The following TAS2R1 variants were observed in gnomAD, a reference collection of about 807,000 sequenced individuals.
TAS2R1 encodes the protein taste 2 receptor member 1, also known as taste receptor type 2 member 1.
For synonymous variants in TAS2R1, 141 were observed against 134.2 expected, an observed-to-expected ratio of 1.05 and a Z score of -0.35; for missense variants, 370 against 353.4, an observed-to-expected ratio of 1.05 and a Z score of -0.38.
Position 9,629,532 on chromosome 5 carries a change from T to A in TAS2R1, c.501A>T (p.Gln167His). 1 of 1,614,064 alleles carries A rather than the reference T, an allele frequency of 6.2e-7. No individual in the cohort carries two copies. Among genetic ancestry groups the A allele is most frequent in the Non-Finnish European group, 8.5e-7 (1 of 1,179,998 alleles). ...TCTGTATAGCCAGTGTATCTTCTTT[T>A]TGAATTGTGGCATTTTGGGAGAAAA... is the stretch of plus-strand genomic sequence containing the variant. ...RKFFSQNATI[Q>H]KEDTLAIQIF... The change falls in exon 1 of 1, where the codon CAA becomes CAT. Residue 167 changes from glutamine to histidine, a missense_variant. Physicochemically the swap from Gln to His is conservative, Grantham distance 24 (BLOSUM62 0). Transcript: ENST00000382492.
At chr5:9,714,516 TG>T (rs1734767391), upstream of TAS2R1, among the ~76,000 whole-genome samples, 1 of 152,232 alleles carries the variant, frequency 6.6e-6, no homozygotes, top group Non-Finnish European at 1.5e-5. Context: ...CAAGATGTTT[TG>T]CCTCTCTGAC....
At chr5:9,802,642 C>T in the TAS2R1 span, among the ~76,000 whole-genome samples, 1 of 152,186 alleles carries the variant, frequency 6.6e-6, no homozygotes, top group African/African-American at 2.4e-5. Flanking sequence ...GTGGCTTACA[C>T]CTGTAATCCC....
chr5:9,780,153 T>C, the TAS2R1 span, among the ~76,000 whole-genome samples: 35 of 152,290 alleles, frequency 2.3e-4, no homozygotes, highest in Non-Finnish European at 4.7e-4. Flanking sequence ...TCTCATCTCA[T>C]GGAAAAGAAC....
At chr5:9,880,206 T>C in the TAS2R1 span, among the ~76,000 whole-genome samples, 1 of 152,354 alleles carries the variant, frequency 6.6e-6, no homozygotes, top group East Asian at 1.9e-4. Flanking sequence ...TCCTAGGTTA[T>C]AGATTAGTCT....
At chr5:9,839,718 T>C in the TAS2R1 span, among the ~76,000 whole-genome samples, 3 of 152,100 alleles carry the variant, frequency 2.0e-5, no homozygotes, top group African/African-American at 7.2e-5. Context: ...AACAGACGGG[T>C]AGTTTTTGCA....
chr5:9,690,709 C>T (rs1463848066), intron 1 of TAS2R1, among the ~76,000 whole-genome samples: 1 of 151,824 alleles, frequency 6.6e-6, no homozygotes, highest in Non-Finnish European at 1.5e-5. Context: ...TGGACACAGA[C>T]ATAAACAAGC....
the TAS2R1 span, among the ~76,000 whole-genome samples, chr5:9,775,332 G>T: frequency 6.6e-6 from 1 of 152,204 alleles, no homozygotes; most frequent in Non-Finnish European, 1.5e-5. Context: ...AGGACAGTGG[G>T]CTCCTTGCTG....
At chr5:9,873,698 C>A in the TAS2R1 span, among the ~76,000 whole-genome samples, 1 of 151,834 alleles carries the variant, frequency 6.6e-6, no homozygotes, top group African/African-American at 2.4e-5. Context: ...GAAACCCCGT[C>A]TCTACTAAAA....
At chr5:9,895,414 C>G in the TAS2R1 span, among the ~76,000 whole-genome samples, 2 of 152,170 alleles carry the variant, frequency 1.3e-5, no homozygotes, top group East Asian at 1.9e-4. Flanking sequence ...AAAGTCAATA[C>G]CACCCCCTGT....
At chr5:9,783,143 AC>A in the TAS2R1 span, among the ~76,000 whole-genome samples, 1 of 152,148 alleles carries the variant, frequency 6.6e-6, no homozygotes. Flanking sequence ...TACTTCATTA[AC>A]TTTTAAATCC....
the TAS2R1 span, among the ~76,000 whole-genome samples, chr5:9,771,066 G>A: frequency 2.6e-5 from 4 of 152,112 alleles, no homozygotes; most frequent in Non-Finnish European, 4.4e-5. Flanking sequence ...GTTGAGTTAT[G>A]TTCTTCTACA....
the TAS2R1 span, among the ~76,000 whole-genome samples, chr5:9,837,061 C>A: frequency 0.015 from 2,287 of 152,238 alleles, 39 homozygotes; most frequent in African/African-American, 0.049. Flanking sequence ...TCAATGGTGA[C>A]CTGTTTTTAA....
chr5:9,796,665 T>C, the TAS2R1 span, among the ~76,000 whole-genome samples: 8 of 142,794 alleles, frequency 5.6e-5, no homozygotes, highest in East Asian at 4.2e-4. Context: ...CCTTTAAAGA[T>C]GTGTCATTTG....
intron 1 of TAS2R1, among the ~76,000 whole-genome samples, chr5:9,662,777 T>C (rs998968518): frequency 2.0e-5 from 3 of 152,210 alleles, no homozygotes; most frequent in Non-Finnish European, 4.4e-5. Flanking sequence ...AGAAGATTGA[T>C]AGTGTTTTTG....
chr5:9,659,205 G>C (rs543974141), intron 2 of TAS2R1, among the ~76,000 whole-genome samples: 1 of 152,042 alleles, frequency 6.6e-6, no homozygotes, highest in Admixed American at 6.5e-5. Flanking sequence ...CCCTACACCC[G>C]TGTGACCCAG....
rs1194214516 is a variant in TAS2R1, at chr5:9,670,546, A to G, written c.-241-10965T>C. Among the ~76,000 whole-genome samples, 3 of 152,174 alleles carry G rather than the reference A, an allele frequency of 2.0e-5. No individual in the cohort carries two copies. In the East Asian group the frequency reaches 5.8e-4, roughly 29 times the overall value. ...CTCTCTGAGCCTACTCTGGCTCAGG[A>G]GGCTGCCCACTTCATGAATCATTCT... On this transcript the variant is annotated intron_variant, in intron 1 of 2. Transcript: ENST00000506620.
chr5:9,674,561 G>A (rs1740832454), intron 1 of TAS2R1, among the ~76,000 whole-genome samples: 1 of 152,054 alleles, frequency 6.6e-6, no homozygotes, highest in Admixed American at 6.6e-5. Context: ...TCCATATTAT[G>A]AGCTGATAAT....
intron 2 of TAS2R1, among the ~76,000 whole-genome samples, chr5:9,645,370 C>A (rs1225810451): frequency 6.6e-6 from 1 of 152,162 alleles, no homozygotes; most frequent in Non-Finnish European, 1.5e-5. Context: ...AAATGCTATG[C>A]GTGCATTTAG....
At chr5:9,886,715 A>G in the TAS2R1 span, among the ~76,000 whole-genome samples, 2 of 152,136 alleles carry the variant, frequency 1.3e-5, no homozygotes, top group African/African-American at 4.8e-5. Context: ...ATACATTTCA[A>G]TGCGTAATCA....
Sources: gnomAD v4.1 joint callset for allele counts (sites outside exome capture counted in the v4.1 genomes callset) on GRCh38, gnomAD v4.1.1 for gene constraint, MANE v1.5 for transcripts, NCBI Gene and HGNC (gene_info 2026-07-23, HGNC 2026-07-21) for gene names.